The following DNAJC1 variants were observed in gnomAD, a reference collection of about 807,000 sequenced individuals.
The protein encoded by DNAJC1 is DnaJ heat shock protein family (Hsp40) member C1, also known as dnaJ homolog subfamily C member 1.
In DNAJC1, 58 loss-of-function variants were observed where a neutral mutation model predicts 76.6. The observed-to-expected ratio is 0.76, with a 90% CI of 0.61 to 0.94. DNAJC1 has a LOEUF of 0.94. DNAJC1 is among the 40% of genes least tolerant of loss of function. The pLI is 0.00. For synonymous variants in DNAJC1, 258 were observed against 267.9 expected, an observed-to-expected ratio of 0.96 and a Z score of 0.36; for missense variants, 689 against 677.3, an observed-to-expected ratio of 1.02 and a Z score of -0.19.
At chr10:21,964,872 TG>T (rs1362700273) in intron 1 of DNAJC1, among the ~76,000 whole-genome samples, 7 of 152,204 alleles carry the variant, frequency 4.6e-5, no homozygotes, top group Non-Finnish European at 8.8e-5. Context: ...TCTTCACTGC[TG>T]CTATGGAAAA....
At chr10:21,996,129 ATCTC>A (rs1203945780) in intron 1 of DNAJC1, among the ~76,000 whole-genome samples, 1 of 152,192 alleles carries the variant, frequency 6.6e-6, no homozygotes, top group Non-Finnish European at 1.5e-5. Context: ...CCAATCAGAA[ATCTC>A]TCTTTCCACT....
intron 9 of DNAJC1, among the ~76,000 whole-genome samples, chr10:21,768,832 C>G (rs1234142688): frequency 1.3e-5 from 2 of 152,148 alleles, no homozygotes; most frequent in African/African-American, 2.4e-5. Flanking sequence ...TAAATGCATT[C>G]CTTCCCCTTG....
chr10:21,990,159 T>C (rs1229533018), intron 1 of DNAJC1, among the ~76,000 whole-genome samples: 1 of 152,196 alleles, frequency 6.6e-6, no homozygotes, highest in Non-Finnish European at 1.5e-5. Flanking sequence ...TTATCAAAGA[T>C]GGCATACAAG....
At position 22,003,515 on chromosome 10, in the gene DNAJC1, G is replaced by A; in HGVS notation, c.-81C>T. 1 of 1,280,544 alleles carries A rather than the reference G, an allele frequency of 7.8e-7. No homozygotes were observed. Among genetic ancestry groups the A allele is most frequent in the Non-Finnish European group, 9.8e-7 (1 of 1,015,846 alleles). 79.3% of individuals were successfully genotyped at this position (1,280,544 alleles called of 1,614,324 possible). A position where few individuals can be genotyped will look rare whatever the true frequency, so the allele number is the denominator to read the frequency against. On this transcript the variant is annotated 5_prime_UTR_variant, in exon 1 of 12. Transcript: ENST00000376980. ...ACGTGGCGGGCGGCGCTGGCTGTGGGGAACAGCGCCTGTCAGTGAAAAGCG... is the reference window on the plus strand; with the variant it reads ...ACGTGGCGGGCGGCGCTGGCTGTGGAGAACAGCGCCTGTCAGTGAAAAGCG...
intron 1 of DNAJC1, among the ~76,000 whole-genome samples, chr10:21,957,700 T>C (rs1837713852): frequency 6.6e-6 from 1 of 152,218 alleles, no homozygotes; most frequent in South Asian, 2.1e-4. Flanking sequence ...CTTTGCTTTC[T>C]GTCAATTACA....
intron 1 of DNAJC1, among the ~76,000 whole-genome samples, chr10:21,936,650 CT>C (rs34153487): frequency 6.6e-6 from 1 of 151,934 alleles, no homozygotes; most frequent in Non-Finnish European, 1.5e-5. Flanking sequence ...AAAATTTTTC[CT>C]TTTTGCATCT....
chr10:21,777,675 C>T (rs1834470707), intron 9 of DNAJC1, among the ~76,000 whole-genome samples: 1 of 152,150 alleles, frequency 6.6e-6, no homozygotes, highest in Non-Finnish European at 1.5e-5. Flanking sequence ...CATGTTTTTG[C>T]TAAACCAAAA....
intron 9 of DNAJC1, among the ~76,000 whole-genome samples, chr10:21,795,494 C>T (rs1262973243): frequency 6.6e-6 from 1 of 151,786 alleles, no homozygotes; most frequent in East Asian, 1.9e-4. Flanking sequence ...GTTAAGATTC[C>T]ATTTAAATGT....
intron 9 of DNAJC1, among the ~76,000 whole-genome samples, chr10:21,799,110 T>C (rs1834782190): frequency 6.6e-6 from 1 of 152,164 alleles, no homozygotes; most frequent in African/African-American, 2.4e-5. Flanking sequence ...ATATAAAATG[T>C]TTAAAATATA....
At chr10:21,833,374 G>C (rs1835393239) in intron 8 of DNAJC1, among the ~76,000 whole-genome samples, 1 of 152,202 alleles carries the variant, frequency 6.6e-6, no homozygotes, top group South Asian at 2.1e-4. Flanking sequence ...GGGAGACTGA[G>C]GCAGGCGAAT....
chr10:21,915,999 A>G (rs1836948191), intron 6 of DNAJC1, among the ~76,000 whole-genome samples: 1 of 152,018 alleles, frequency 6.6e-6, no homozygotes, highest in South Asian at 2.1e-4. Flanking sequence ...ATTAAATTAA[A>G]TTAAATTAAA....
chr10:21,847,057 C>T (rs76040038), intron 8 of DNAJC1, among the ~76,000 whole-genome samples: 5,326 of 152,106 alleles, frequency 0.035, 160 homozygotes, highest in African/African-American at 0.068. Context: ...TCCTAGGTCC[C>T]TTCCCCTTTT....
At chr10:21,763,565 GTTTTTTTTTTTT>G (rs34169717) in intron 10 of DNAJC1, among the ~76,000 whole-genome samples, 1 of 127,358 alleles carries the variant, frequency 7.9e-6, no homozygotes, top group East Asian at 2.2e-4. Context: ...TGTGCAGGTT[GTTTTTTTTTTTT>G]TTTTTTAGAC....
intron 8 of DNAJC1, among the ~76,000 whole-genome samples, chr10:21,825,797 T>G (rs1835239056): frequency 6.6e-6 from 1 of 152,240 alleles, no homozygotes. Flanking sequence ...TACCTTTTCA[T>G]GTGACTACTG....
At position 22,003,456 on chromosome 10, in the gene DNAJC1, AC is replaced by A; in HGVS notation, c.-23del. The A allele has an allele frequency of 7.4e-7, 1 of 1,345,180 alleles. No individual in the cohort carries two copies. Among genetic ancestry groups the A allele is most frequent in the Non-Finnish European group, 9.5e-7 (1 of 1,054,910 alleles). The allele number at this position is 1,345,180 out of a possible 1,614,324, so 83.3% of individuals were successfully genotyped here. A position where few individuals can be genotyped will look rare whatever the true frequency, so the allele number is the denominator to read the frequency against. ...TCATCGCGCTGGGCTCGGAAAGGTC[AC>A]CCGCCGCGCAGCTCCGTTGGCCGAG... On this transcript the variant is annotated 5_prime_UTR_variant, in exon 1 of 12. Transcript: ENST00000376980.
chr10:21,873,963 A>T (rs535565529), intron 8 of DNAJC1, among the ~76,000 whole-genome samples: 1 of 152,350 alleles, frequency 6.6e-6, no homozygotes, highest in Non-Finnish European at 1.5e-5. Context: ...GTTAATTGTA[A>T]TCCCTAGAGA....
In DNAJC1 at chr10:21,918,855, T is replaced by C. The variant is rs765874373; in HGVS notation, c.653A>G (p.Gln218Arg). The change falls in exon 6 of 12, where the codon CAG becomes CGG. Residue 218 changes from glutamine (Q) to arginine (R), a missense_variant. Coordinates refer to ENST00000376980, the MANE Select transcript of DNAJC1 (RefSeq NM_022365.4). ...EKNERLLMKPQWHDLLPCKLG... is the reference protein window; with the variant it reads ...EKNERLLMKPRWHDLLPCKLG... ...TTTGCATGGAAGCAAATCATGCCACTGTGGTTTCATCAGCAATCTAAAGGG... is the reference window on the plus strand; with the variant it reads ...TTTGCATGGAAGCAAATCATGCCACCGTGGTTTCATCAGCAATCTAAAGGG... 2.5e-6 allele frequency: 4 copies of C among 1,612,916 alleles called. No individual in the cohort carries two copies. The highest frequency in any genetic ancestry group is 3.4e-6 in the Non-Finnish European group (4 of 1,179,240).
intron 6 of DNAJC1, among the ~76,000 whole-genome samples, chr10:21,907,765 G>A (rs1836769915): frequency 6.6e-6 from 1 of 150,928 alleles, no homozygotes; most frequent in Non-Finnish European, 1.5e-5. Context: ...TCACTTGAGG[G>A]CAGGAGTTCA....
chr10:21,781,751 A>C (rs1211555125), intron 9 of DNAJC1, among the ~76,000 whole-genome samples: 1 of 151,674 alleles, frequency 6.6e-6, no homozygotes, highest in Non-Finnish European at 1.5e-5. Flanking sequence ...AACTCACTCA[A>C]AACCGCTCAA....
Sources: gnomAD v4.1 joint callset for allele counts (sites outside exome capture counted in the v4.1 genomes callset) on GRCh38, gnomAD v4.1.1 for gene constraint, MANE v1.5 for transcripts, NCBI Gene and HGNC (gene_info 2026-07-23, HGNC 2026-07-21) for gene names.